The following ADCY2 variants were observed in gnomAD, a reference collection of about 807,000 sequenced individuals.
ADCY2 encodes adenylate cyclase type 2.
ADCY2 carries 31 observed loss-of-function variants against 125.2 expected under a neutral mutation model. That is an observed-to-expected ratio of 0.25 (90% confidence interval 0.19 to 0.33). The LOEUF is 0.33. Ranked by LOEUF, ADCY2 falls within the 10% of genes least tolerant of loss-of-function variation. ADCY2 has a pLI of 1.00. For missense variants in ADCY2, 904 were observed against 1,418.2 expected, an observed-to-expected ratio of 0.64 and a Z score of 5.82; for synonymous variants, 512 against 548.4, an observed-to-expected ratio of 0.93 and a Z score of 0.93.
intron 3 of ADCY2, among the ~76,000 whole-genome samples, chr5:7,562,660 C>T (rs1407183892): frequency 6.6e-6 from 1 of 152,208 alleles, no homozygotes. Flanking sequence ...GACACACACA[C>T]ACACGGCCTT....
intron 3 of ADCY2, among the ~76,000 whole-genome samples, chr5:7,568,846 AT>A (rs912723627): frequency 5.9e-4 from 90 of 152,116 alleles, no homozygotes; most frequent in Middle Eastern, 6.8e-3. Flanking sequence ...TGTGAAGTAC[AT>A]TTTTTTTCCT....
intron 19 of ADCY2, among the ~76,000 whole-genome samples, chr5:7,785,889 T>C (rs1219114378): frequency 6.6e-6 from 1 of 152,172 alleles, no homozygotes; most frequent in East Asian, 1.9e-4. Context: ...ATGATACACA[T>C]TCAGTACCAC....
chr5:7,524,790 G>T (rs1734400183), intron 3 of ADCY2, among the ~76,000 whole-genome samples: 1 of 152,120 alleles, frequency 6.6e-6, no homozygotes, highest in Non-Finnish European at 1.5e-5. Context: ...CTTACCTATG[G>T]TGTTCACTTG....
At chr5:7,649,672 C>A (rs1158814656) in intron 4 of ADCY2, among the ~76,000 whole-genome samples, 2 of 152,164 alleles carry the variant, frequency 1.3e-5, no homozygotes, top group Admixed American at 6.5e-5. Context: ...ATTCTTACTG[C>A]TTTACAACCG....
chr5:7,762,153 A>G (rs1296181076), intron 16 of ADCY2, among the ~76,000 whole-genome samples: 1 of 152,220 alleles, frequency 6.6e-6, no homozygotes, highest in Non-Finnish European at 1.5e-5. Context: ...CAAGCACTGA[A>G]TTCCTCCAAG....
At position 7,743,695 on chromosome 5, in the gene ADCY2, G is replaced by T. The variant is rs1033616356; in HGVS notation, c.1899G>T (p.Gly633=). ...CGTCCGTCCTGGGCATCTCCTTTGG[G>T]GCTGCGTTTCTCTTGCTGGCCTTCA... ...PKTSVLGISF[G]AAFLLLAFIL... The change falls in exon 15 of 25, where the codon GGG becomes GGT. Residue 633 remains glycine, a synonymous_variant. Transcript: ENST00000338316. The T allele has an allele frequency of 6.2e-7, 1 of 1,614,062 alleles. No homozygotes were observed. Among genetic ancestry groups the T allele is most frequent in the Admixed American group, 1.7e-5 (1 of 59,994 alleles).
chr5:7,478,854 AT>A (rs1185730600), intron 2 of ADCY2, among the ~76,000 whole-genome samples: 1 of 152,208 alleles, frequency 6.6e-6, no homozygotes. Context: ...CATACAGGAC[AT>A]TTAGTAACAG....
At chr5:7,593,004 C>T (rs1292695454) in intron 3 of ADCY2, among the ~76,000 whole-genome samples, 1 of 152,102 alleles carries the variant, frequency 6.6e-6, no homozygotes, top group Non-Finnish European at 1.5e-5. Context: ...ATGTTACTCA[C>T]GTTTTATAGG....
At chr5:7,705,788 T>C (rs1741249348) in intron 7 of ADCY2, among the ~76,000 whole-genome samples, 1 of 152,192 alleles carries the variant, frequency 6.6e-6, no homozygotes, top group Non-Finnish European at 1.5e-5. Flanking sequence ...AAAATATCTT[T>C]CTATATTCTT....
intron 2 of ADCY2, among the ~76,000 whole-genome samples, chr5:7,488,400 C>T (rs1253842201): frequency 1.3e-5 from 2 of 152,148 alleles, no homozygotes; most frequent in African/African-American, 2.4e-5. Flanking sequence ...TTGACTAATA[C>T]ATCTTGCCAG....
intron 1 of ADCY2, among the ~76,000 whole-genome samples, chr5:7,405,972 A>T (rs1209477732): frequency 1.3e-5 from 2 of 151,752 alleles, no homozygotes; most frequent in Non-Finnish European, 2.9e-5. Context: ...TTATCCTCCC[A>T]TCTCAGCCTC....
intron 19 of ADCY2, 143 bp from the exon 20 acceptor site, chr5:7,789,499 G>A: frequency 2.8e-6 from 2 of 723,388 alleles, no homozygotes; most frequent in South Asian, 4.0e-5. Context: ...GGACACAGAG[G>A]GCTTTATGGG....
rs1459507882 is a variant in ADCY2 at position 7,560,638 on chromosome 5, CAT to C, written c.570+39742_570+39743del. Among the ~76,000 whole-genome samples the C allele has an allele frequency of 2.0e-5, 3 of 151,914 alleles. No individual in the cohort carries two copies. In the East Asian group the frequency reaches 5.8e-4, roughly 29 times the overall value. ...CACCAGCCTGAATTGAAGGTGTTCACATATGTTTCTTATGCAGAACAGTAATG... is the reference window on the plus strand; with the variant it reads ...CACCAGCCTGAATTGAAGGTGTTCACATGTTTCTTATGCAGAACAGTAATG... On this transcript the variant is annotated intron_variant, in intron 3 of 24. Coordinates refer to ENST00000338316, the MANE Select transcript of ADCY2 (RefSeq NM_020546.3).
At chr5:7,607,089 C>T (rs1737402876) in intron 3 of ADCY2, among the ~76,000 whole-genome samples, 1 of 152,160 alleles carries the variant, frequency 6.6e-6, no homozygotes, top group Non-Finnish European at 1.5e-5. Context: ...TGTCCCACAC[C>T]ACCTCAGCTT....
intron 3 of ADCY2, among the ~76,000 whole-genome samples, chr5:7,545,796 C>T (rs1250466798): frequency 6.6e-6 from 1 of 152,156 alleles, no homozygotes; most frequent in African/African-American, 2.4e-5. Context: ...TTCTTTCCCA[C>T]AATTGCACTT....
intron 22 of ADCY2, among the ~76,000 whole-genome samples, chr5:7,811,370 A>G (rs1304054895): frequency 1.3e-5 from 2 of 151,934 alleles, no homozygotes; most frequent in East Asian, 1.9e-4. Flanking sequence ...GCGTGGTGGC[A>G]GGCGCCTGTA....
intron 2 of ADCY2, among the ~76,000 whole-genome samples, chr5:7,487,168 G>T (rs1742965625): frequency 6.6e-6 from 1 of 152,188 alleles, no homozygotes; most frequent in African/African-American, 2.4e-5. Context: ...TGAGACAGCT[G>T]TCCACCCATG....
chr5:7,612,187 G>A (rs1991499), intron 3 of ADCY2, among the ~76,000 whole-genome samples: 18,445 of 152,086 alleles, frequency 0.12, 1,238 homozygotes, highest in South Asian at 0.18. Flanking sequence ...CTATAAAAAG[G>A]AATCATTTCC....
chr5:7,444,200 G>A (rs1446791986), intron 2 of ADCY2, among the ~76,000 whole-genome samples: 2 of 143,730 alleles, frequency 1.4e-5, no homozygotes, highest in Non-Finnish European at 3.0e-5. Flanking sequence ...TGCAAGCTCC[G>A]CCTCCCGGGT....
Sources: allele counts gnomAD v4.1 joint callset (sites outside exome capture counted in the v4.1 genomes callset), GRCh38; gene constraint gnomAD v4.1.1; transcripts MANE v1.5; gene names NCBI Gene and HGNC (gene_info 2026-07-23, HGNC 2026-07-21).